SIRPA: variants seen among roughly 807,000 people sequenced by gnomAD.
SIRPA encodes tyrosine-protein phosphatase non-receptor type substrate 1.
SIRPA carries 9 observed loss-of-function variants against 50.3 expected under a neutral mutation model. The observed-to-expected ratio is 0.18, with a 90% CI of 0.11 to 0.31. The LOEUF (loss-of-function observed/expected upper bound fraction) is 0.31. Among genes scored for constraint, SIRPA ranks in the 10% least tolerant of loss-of-function variants. The pLI, the probability that SIRPA is intolerant of heterozygous loss-of-function variation, is 1.00. For synonymous variants in SIRPA, 265 were observed against 284.1 expected (o/e 0.93, Z 0.68); for missense variants, 474 against 661.6 (o/e 0.72, Z 3.11).
intron 2 of SIRPA, among the ~76,000 whole-genome samples, chr20:1,921,129 G>A (rs1985623158): frequency 6.6e-6 from 1 of 152,228 alleles, no homozygotes; most frequent in Admixed American, 6.5e-5. Flanking sequence ...AAGTCACCCT[G>A]TGTGGAGTGG....
In SIRPA at chr20:1,940,555, G is replaced by A. The variant is rs372555601; in HGVS notation, c.*2987G>A. The A allele has an allele frequency of 6.6e-5, 10 of 152,252 alleles. No homozygotes were observed. The highest frequency in any genetic ancestry group is 5.2e-4 in the Admixed American group (8 of 15,290). The allele number at this position is 152,252 out of a possible 1,614,324, so 9.4% of individuals were successfully genotyped here. A position where few individuals can be genotyped will look rare whatever the true frequency, so the allele number is the denominator to read the frequency against. ...CCATTAGATCATTAATGATATTAGT[G>A]CTAATTATGTAATAAAGTTAAGGCA... On this transcript the variant is annotated 3_prime_UTR_variant, in exon 8 of 8. Transcript: ENST00000358771.
At position 1,940,229 on chromosome 20, in the gene SIRPA, C is replaced by T. The variant is rs1198025291; in HGVS notation, c.*2661C>T. On this transcript the variant is annotated 3_prime_UTR_variant, in exon 8 of 8. Transcript: ENST00000358771. Reference sequence around the variant, plus strand: ...ACAATGGGGCAGGAATAGTCCCTGCCAGGGTGACTGTGTGGATTCAAGGAG... The same window carrying T: ...ACAATGGGGCAGGAATAGTCCCTGCTAGGGTGACTGTGTGGATTCAAGGAG... 6.6e-6 allele frequency: 1 copy of T among 152,272 alleles called. No homozygotes were observed. Among genetic ancestry groups the T allele is most frequent in the African/African-American group, 2.4e-5 (1 of 41,466 alleles). 9.4% of individuals were successfully genotyped at this position (152,272 alleles called of 1,614,324 possible).
intron 1 of SIRPA, among the ~76,000 whole-genome samples, chr20:1,897,742 GGGGTGGGGCCAATCATGTGAATTATCCT>G (rs1173628525): frequency 3.9e-5 from 6 of 152,000 alleles, no homozygotes; most frequent in Non-Finnish European, 7.4e-5. Context: ...CTGTTTTGGG[GGGGTGGGGCCAATCATGTGAATTATCCT>G]GGGTGGGGGA....
chr20:1,921,325 G>A (rs1443925378), intron 2 of SIRPA, 70 bp from the exon 3 acceptor site: 18 of 1,608,202 alleles, frequency 1.1e-5, no homozygotes, highest in African/African-American at 6.7e-5. Context: ...GGTTCTTAAC[G>A]TGTCACACAC....
chr20:1,921,852 C>A, intron 3 of SIRPA, 140 bp downstream of exon 3: 1 of 713,850 alleles, frequency 1.4e-6, no homozygotes, highest in South Asian at 1.9e-5. Context: ...CCTCCCATGC[C>A]CCTAGATGTG....
At chr20:1,902,131 T>G (rs557805627) in intron 1 of SIRPA, among the ~76,000 whole-genome samples, 2 of 152,342 alleles carry the variant, frequency 1.3e-5, no homozygotes, top group South Asian at 4.1e-4. Context: ...GCTTTGACAC[T>G]GATCAACTCT....
At chr20:1,903,176 T>C (rs1200455685) in intron 1 of SIRPA, among the ~76,000 whole-genome samples, 1 of 151,614 alleles carries the variant, frequency 6.6e-6, no homozygotes, top group African/African-American at 2.4e-5. Context: ...GGGGCTGGAG[T>C]GAAAGTAGAA....
intron 1 of SIRPA, among the ~76,000 whole-genome samples, chr20:1,901,978 A>G (rs950560472): frequency 1.3e-5 from 2 of 152,186 alleles, no homozygotes; most frequent in African/African-American, 4.8e-5. Flanking sequence ...CAGAAATGGA[A>G]GCCCGTGGTG....
At chr20:1,908,367 T>C (rs1984673306) in intron 1 of SIRPA, among the ~76,000 whole-genome samples, 1 of 151,732 alleles carries the variant, frequency 6.6e-6, no homozygotes, top group African/African-American at 2.4e-5. Context: ...ACACACCCTC[T>C]ACACACACAT....
chr20:1,896,284 G>A (rs1031907797), intron 1 of SIRPA, among the ~76,000 whole-genome samples: 1 of 152,218 alleles, frequency 6.6e-6, no homozygotes, highest in Non-Finnish European at 1.5e-5. Flanking sequence ...GTTACCTGTG[G>A]CTCTGACCAT....
intron 2 of SIRPA, among the ~76,000 whole-genome samples, chr20:1,921,144 G>C (rs921743407): frequency 3.3e-5 from 5 of 152,222 alleles, no homozygotes; most frequent in Non-Finnish European, 5.9e-5. Context: ...GAGTGGAGAA[G>C]TTTGAACTCA....
At chr20:1,935,591 A>G (rs934649517) in intron 7 of SIRPA, among the ~76,000 whole-genome samples, 1 of 152,244 alleles carries the variant, frequency 6.6e-6, no homozygotes, top group East Asian at 1.9e-4. Flanking sequence ...TGTAATTAAG[A>G]AAAAACAATT....
rs191126675 is a variant in SIRPA at position 1,921,550 on chromosome 20, G to A, written c.592G>A (p.Val198Met). 14 of 1,614,048 alleles carry A rather than the reference G, an allele frequency of 8.7e-6. No homozygotes were observed. The highest frequency in any genetic ancestry group is 2.7e-5 in the African/African-American group (2 of 74,920). The change falls in exon 3 of 8, where the codon GTG becomes ATG. Residue 198 changes from valine to methionine, a missense_variant. By Grantham distance (21) the Val-to-Met change is conservative. Coordinates refer to ENST00000358771, the MANE Select transcript of SIRPA (RefSeq NM_001040023.2). ...GNELSDFQTN[V>M]DPVGESVSYS... The stretch of plus-strand genomic sequence containing the variant: ...TGAGCTCTCAGACTTCCAGACCAAC[G>A]TGGACCCCGTAGGAGAGAGCGTGTC...
At position 1,928,882 on chromosome 20, in the gene SIRPA, G is replaced by A. The variant is rs757537428; in HGVS notation, c.1226+983G>A. Among the ~76,000 whole-genome samples, 13 of 152,148 alleles carry A rather than the reference G, an allele frequency of 8.5e-5. No individual in the cohort carries two copies. The highest frequency in any genetic ancestry group is 2.4e-4 in the African/African-American group (10 of 41,412). ...AACTATTCTGTGAAAAGCCTTTATC[G>A]GCTTTTTGGAAGGCCTCTGATCTTC... On this transcript the variant is annotated intron_variant, in intron 6 of 7. Coordinates refer to ENST00000358771, the MANE Select transcript of SIRPA (RefSeq NM_001040023.2). This position sits in a 1 kb window ranked among gnomAD's most constrained non-coding sequence, Gnocchi z 4.9.
chr20:1,925,787 A>G (rs965347509), intron 5 of SIRPA, among the ~76,000 whole-genome samples: 3 of 152,232 alleles, frequency 2.0e-5, no homozygotes, highest in Non-Finnish European at 4.4e-5. Context: ...GACACATTCT[A>G]GGATCGCCAT....
chr20:1,894,535 A>T (rs1445337067), upstream of SIRPA: 1 of 151,156 alleles, frequency 6.6e-6, no homozygotes, highest in East Asian at 2.0e-4. This position sits in a 1 kb window ranked among gnomAD's most constrained non-coding sequence, Gnocchi z 4.0. Flanking sequence ...CCCGGCAGGG[A>T]CGGGGAGGGG....
At chr20:1,902,249 C>T (rs1003381437) in intron 1 of SIRPA, among the ~76,000 whole-genome samples, 4 of 152,058 alleles carry the variant, frequency 2.6e-5, no homozygotes, top group Non-Finnish European at 4.4e-5. Context: ...GATACTCTCT[C>T]CACATCCCTT....
intron 2 of SIRPA, among the ~76,000 whole-genome samples, chr20:1,917,053 G>A (rs1031618722): frequency 3.9e-5 from 6 of 152,166 alleles, no homozygotes; most frequent in Admixed American, 2.0e-4. Flanking sequence ...CGTGGCTCAG[G>A]TGTGACCCAG....
At chr20:1,895,582 CTCAGA>C in intron 1 of SIRPA, 56 bp downstream of exon 1, 1 of 1,288,536 alleles carries the variant, frequency 7.8e-7, no homozygotes, top group South Asian at 1.9e-5. Context: ...GCTCAGGCCT[CTCAGA>C]CTGGCACTGG....
Sources: allele counts gnomAD v4.1 joint callset (sites outside exome capture counted in the v4.1 genomes callset), GRCh38; gene constraint gnomAD v4.1.1; non-coding constraint Gnocchi (gnomAD v3.1); transcripts MANE v1.5; gene names NCBI Gene and HGNC (gene_info 2026-07-23, HGNC 2026-07-21).